Variants in GPHN observed in about 807,000 individuals in gnomAD.
GPHN encodes the protein gephyrin.
A neutral mutation model predicts 95.5 loss-of-function variants in GPHN; 17 were observed. The ratio of observed to expected loss-of-function variants is 0.18; its 90% CI spans 0.12 to 0.27. The LOEUF is 0.27. Among genes scored for constraint, GPHN ranks in the 10% least tolerant of loss-of-function variants. GPHN has a pLI of 1.00. For synonymous variants in GPHN, 320 were observed against 322.5 expected (o/e 0.99, Z 0.08); for missense variants, 660 against 978.1 (o/e 0.67, Z 4.34).
chr14:66,907,203 A>G lies in GPHN; in HGVS notation c.390-8800A>G, dbSNP rs117571722. ...GATTTACTTCAATAGGTAAATGGAT[A>G]AGCAAATTATGCTGCATCCATACAA... is the stretch of plus-strand genomic sequence containing the variant. On this transcript the variant is annotated intron_variant, in intron 5 of 22. Transcript: ENST00000478722. Among the ~76,000 whole-genome samples the G allele has an allele frequency of 8.3e-4, 127 of 152,326 alleles. 1 individual carries two copies. In the East Asian group the frequency reaches 0.021, roughly 26 times the overall value.
intron 1 of GPHN, among the ~76,000 whole-genome samples, chr14:66,573,347 T>A (rs906619944): frequency 3.3e-5 from 5 of 152,232 alleles, no homozygotes; most frequent in African/African-American, 1.2e-4. Flanking sequence ...TCAGTCCTGG[T>A]AGTATTTGTT....
At chr14:67,646,996 G>A in the GPHN span, 1 of 1,612,574 alleles carries the variant, frequency 6.2e-7, no homozygotes, top group South Asian at 1.1e-5. Context: ...AGAAGGTCAT[G>A]GAACGAACAT....
At chr14:67,395,829 C>G in the GPHN span, among the ~76,000 whole-genome samples, 8 of 152,332 alleles carry the variant, frequency 5.3e-5, no homozygotes, top group African/African-American at 1.9e-4. Context: ...GCCTCCTGGA[C>G]ACACTAGTTC....
intron 4 of GPHN, among the ~76,000 whole-genome samples, chr14:66,847,186 G>A (rs1265876265): frequency 6.6e-6 from 1 of 151,998 alleles, no homozygotes; most frequent in East Asian, 1.9e-4. Flanking sequence ...GCACAGCTAT[G>A]GAAAGATCAA....
At chr14:66,670,321 G>C (rs771304875) in intron 1 of GPHN, among the ~76,000 whole-genome samples, 11 of 152,172 alleles carry the variant, frequency 7.2e-5, no homozygotes, top group African/African-American at 2.4e-5. Flanking sequence ...TGTAGAACTT[G>C]AGTTTTAATA....
chr14:67,075,374 T>C (rs926178378), intron 11 of GPHN, among the ~76,000 whole-genome samples: 1 of 152,210 alleles, frequency 6.6e-6, no homozygotes, highest in South Asian at 2.1e-4. Context: ...TTGCATCTAG[T>C]CATCCAAGAG....
intron 2 of GPHN, among the ~76,000 whole-genome samples, chr14:66,712,162 C>A (rs1331392472): frequency 6.6e-6 from 1 of 152,166 alleles, no homozygotes; most frequent in East Asian, 1.9e-4. Context: ...TGAGGAATCG[C>A]CACACTGTCT....
intron 1 of GPHN, among the ~76,000 whole-genome samples, chr14:66,564,383 C>A (rs999671362): frequency 3.9e-5 from 6 of 151,996 alleles, no homozygotes; most frequent in African/African-American, 1.4e-4. Flanking sequence ...TTTATAAATT[C>A]AATAAATTTA....
intron 18 of GPHN, among the ~76,000 whole-genome samples, chr14:67,147,706 G>C (rs546969616): frequency 6.6e-6 from 1 of 152,158 alleles, no homozygotes; most frequent in East Asian, 1.9e-4. Context: ...CAGCCTAGAA[G>C]TTTTAATCAG....
chr14:66,900,562 C>G (rs894628841), intron 5 of GPHN, among the ~76,000 whole-genome samples: 2 of 151,634 alleles, frequency 1.3e-5, no homozygotes, highest in Non-Finnish European at 2.9e-5. Context: ...CTTCCTGGCC[C>G]CTGGTAACAA....
the GPHN span, chr14:67,557,260 A>G: frequency 6.2e-7 from 1 of 1,612,888 alleles, no homozygotes. Context: ...AGATCATTGT[A>G]CTTTTCAGGT....
At chr14:66,905,814 G>A (rs886444989) in intron 5 of GPHN, among the ~76,000 whole-genome samples, 1 of 152,046 alleles carries the variant, frequency 6.6e-6, no homozygotes, top group Non-Finnish European at 1.5e-5. Context: ...ACTTACAAGT[G>A]AGAACATTCA....
the GPHN span, chr14:67,380,734 C>G: frequency 6.4e-7 from 1 of 1,567,530 alleles, no homozygotes; most frequent in South Asian, 1.2e-5. Flanking sequence ...TTAATAGGCG[C>G]TTGACCCCAC....
chr14:67,122,798 C>A (rs1173444651), intron 17 of GPHN, among the ~76,000 whole-genome samples: 1 of 152,116 alleles, frequency 6.6e-6, no homozygotes. Flanking sequence ...TTTTCTAGGA[C>A]TTCTATATTG....
chr14:67,489,549 C>T, the GPHN span, among the ~76,000 whole-genome samples: 1 of 152,198 alleles, frequency 6.6e-6, no homozygotes, highest in South Asian at 2.1e-4. Context: ...CCCTCCTCTG[C>T]AGCCACCATT....
rs547648204 is a variant in GPHN at position 66,880,306 on chromosome 14, A to G, written c.389+273A>G. On this transcript the variant is annotated intron_variant, in intron 5 of 22. Transcript: ENST00000478722. ...TGCCCCTTTTTTTTCCAGAGTTAAG[A>G]GCTTTAGTATTCTGTCAGCCACAAT... is the stretch of plus-strand genomic sequence containing the variant. Among the ~76,000 whole-genome samples the G allele has an allele frequency of 2.6e-5, 4 of 151,940 alleles. No individual in the cohort carries two copies. In the East Asian group the frequency reaches 7.7e-4, roughly 29 times the overall value.
chr14:67,572,424 G>C, the GPHN span: 30 of 644,760 alleles, frequency 4.7e-5, no homozygotes, highest in East Asian at 3.6e-4. Flanking sequence ...GGCTGGGGGG[G>C]TGTACAGTTA....
intron 4 of GPHN, among the ~76,000 whole-genome samples, chr14:66,836,849 A>T (rs924672649): frequency 6.6e-6 from 1 of 152,036 alleles, no homozygotes; most frequent in Non-Finnish European, 1.5e-5. Flanking sequence ...AAAAATGCTC[A>T]CCGTCACTGG....
intron 8 of GPHN, among the ~76,000 whole-genome samples, chr14:66,939,620 G>A (rs571779328): frequency 7.2e-5 from 11 of 152,164 alleles, no homozygotes; most frequent in South Asian, 2.1e-4. Context: ...CAAACTTCCC[G>A]TAACTCCACC....
Sources: gnomAD v4.1 joint callset for allele counts (sites outside exome capture counted in the v4.1 genomes callset) on GRCh38, gnomAD v4.1.1 for gene constraint, MANE v1.5 for transcripts, NCBI Gene and HGNC (gene_info 2026-07-23, HGNC 2026-07-21) for gene names.